The following ZNF831 variants were observed in gnomAD, a reference collection of about 807,000 sequenced individuals.
ZNF831 encodes chromosome 20 open reading frame 174.
A neutral mutation model predicts 95.8 loss-of-function variants in ZNF831; 59 were observed. That is an observed-to-expected ratio of 0.62 (90% CI 0.50 to 0.77). The LOEUF (loss-of-function observed/expected upper bound fraction) is 0.77. ZNF831 is among the 30% of genes least tolerant of loss of function. The pLI, the probability that ZNF831 is intolerant of heterozygous loss-of-function variation, is 0.00. For synonymous variants in ZNF831, 961 were observed against 925.5 expected, an observed-to-expected ratio of 1.04 and a Z score of -0.70; for missense variants, 2,205 against 2,164.0, an observed-to-expected ratio of 1.02 and a Z score of -0.38.
rs1601323108 is a variant in ZNF831, at chr20:59,167,446, C to G, written c.-37+3239C>G. Among the ~76,000 whole-genome samples the G allele has an allele frequency of 1.3e-5, 2 of 151,352 alleles. 1 individual carries two copies. Among genetic ancestry groups the G allele is most frequent in the Non-Finnish European group, 2.9e-5 (2 of 67,858 alleles). On this transcript the variant is annotated intron_variant, in intron 1 of 5. Transcript: ENST00000371030. The stretch of plus-strand genomic sequence containing the variant: ...CACAGAGCAAAAAAAAAAAAATTAA[C>G]TTCGATGAGGTCCATTTTATTATAT...
upstream of ZNF831, among the ~76,000 whole-genome samples, chr20:59,163,510 T>A (rs1213342785): frequency 6.6e-6 from 1 of 152,124 alleles, no homozygotes; most frequent in Non-Finnish European, 1.5e-5. Context: ...ACCTCTGGGG[T>A]TACATGTGGA....
rs2146554174 is a variant in ZNF831 at position 59,191,807 on chromosome 20, C to T, written c.788C>T (p.Thr263Ile). 1 of 1,613,312 alleles carries T rather than the reference C, an allele frequency of 6.2e-7. No individual in the cohort carries two copies. ...CTTGCCAAGAACCTGGATGTGAGGA[C>T]CGAAGCTGCTCCCTGTCCAGGGTCC... ...PLLAKNLDVRTEAAPCPGSAF... is the reference protein window; with the variant it reads ...PLLAKNLDVRIEAAPCPGSAF... Residue 263 changes from threonine to isoleucine, a missense_variant, in exon 2 of 6, where the codon ACC becomes ATC. By Grantham distance (89) the Thr-to-Ile change is moderately conservative. Coordinates refer to ENST00000371030, the MANE Select transcript of ZNF831 (RefSeq NM_178457.3).
intron 4 of ZNF831, among the ~76,000 whole-genome samples, chr20:59,240,459 T>TA (rs1452674588): frequency 6.6e-6 from 1 of 152,202 alleles, no homozygotes; most frequent in Admixed American, 6.5e-5. Context: ...GCTGCTCTTT[T>TA]AAAAACATCT....
intron 4 of ZNF831, among the ~76,000 whole-genome samples, chr20:59,212,048 A>C (rs1985373247): frequency 6.6e-6 from 1 of 152,190 alleles, no homozygotes; most frequent in Non-Finnish European, 1.5e-5. Flanking sequence ...AGCTAGAATC[A>C]GCAAAACATT....
chr20:59,137,327 A>G (rs1483694108), intron 1 of ZNF831, among the ~76,000 whole-genome samples: 1 of 152,106 alleles, frequency 6.6e-6, no homozygotes, highest in East Asian at 1.9e-4. Flanking sequence ...AAGATGAAAA[A>G]TACCTTGCCT....
At chr20:59,224,515 G>A (rs1164834286) in intron 4 of ZNF831, among the ~76,000 whole-genome samples, 2 of 152,182 alleles carry the variant, frequency 1.3e-5, no homozygotes. Context: ...GAATCCGACT[G>A]TTCTTTGCAC....
chr20:59,191,157 G>T lies in ZNF831; in HGVS notation c.138G>T (p.Gln46His), dbSNP rs1466178873. ...TLGPVLLPPE[Q>H]GLAPPTVFLK... ...GCCCTGTCCTTCTGCCGCCAGAGCA[G>T]GGCCTGGCCCCCCCCACTGTGTTCC... Residue 46 changes from glutamine (Q) to histidine (H), a missense_variant, in exon 2 of 6, where the codon CAG (glutamine) becomes CAT (histidine). Coordinates refer to ENST00000371030, the MANE Select transcript of ZNF831 (RefSeq NM_178457.3). The T allele has an allele frequency of 6.2e-7, 1 of 1,602,188 alleles. No homozygotes were observed. The highest frequency in any genetic ancestry group is 8.5e-7 in the Non-Finnish European group (1 of 1,177,906).
rs750171867 is a variant in ZNF831 at position 59,194,501 on chromosome 20, G to GCCACAGCACCCGCAGTCC, written c.3494_3511dup (p.Arg1165_Thr1170dup). 1.9e-5 allele frequency: 31 copies of GCCACAGCACCCGCAGTCC among 1,611,472 alleles called. No individual in the cohort carries two copies. The African/African-American group carries it at 3.5e-4, about 18-fold the overall frequency. ...TCTTCCCACTCAGGGACGTCCCGGA[G>GCCACAGCACCCGCAGTCC]CCACAGCACCCGCAGTCCCCACAGC... On this transcript the variant is annotated inframe_insertion, in exon 2 of 6. Coordinates refer to ENST00000371030, the MANE Select transcript of ZNF831 (RefSeq NM_178457.3).
At chr20:59,233,167 C>A (rs981333853) in intron 4 of ZNF831, among the ~76,000 whole-genome samples, 1 of 152,102 alleles carries the variant, frequency 6.6e-6, no homozygotes, top group Non-Finnish European at 1.5e-5. Flanking sequence ...AGGTTCTTAG[C>A]GGTTGCATTG....
At chr20:59,213,231 C>T (rs554138448) in intron 4 of ZNF831, among the ~76,000 whole-genome samples, 6 of 152,240 alleles carry the variant, frequency 3.9e-5, no homozygotes, top group East Asian at 1.9e-4. Context: ...TACTTGACTA[C>T]GTTTTGTTGA....
At chr20:59,207,795 A>T (rs556295910) in intron 4 of ZNF831, among the ~76,000 whole-genome samples, 44 of 152,350 alleles carry the variant, frequency 2.9e-4, no homozygotes, top group African/African-American at 1.0e-3. Flanking sequence ...TCTGGCCAGC[A>T]GTGCCTGAAT....
chr20:59,233,043 CAT>C (rs1555834552), intron 4 of ZNF831, among the ~76,000 whole-genome samples: 27 of 134,442 alleles, frequency 2.0e-4, no homozygotes, highest in Middle Eastern at 3.9e-3. Flanking sequence ...CACACACACA[CAT>C]AGAGAGAGAG....
chr20:59,144,186 A>G (rs993276659), intron 1 of ZNF831, among the ~76,000 whole-genome samples: 1 of 151,950 alleles, frequency 6.6e-6, no homozygotes, highest in African/African-American at 2.4e-5. Flanking sequence ...ATCTGTTTCC[A>G]TCTTGTCACC....
At position 59,254,779 on chromosome 20, in the gene ZNF831, C is replaced by G. The variant is rs2146774989; in HGVS notation, c.*36C>G. ...GAAACATGGTGTCTGGTCAAAAAGA[C>G]TGTTGACGCTTCACAAGTAAATGTT... On this transcript the variant is annotated 3_prime_UTR_variant, in exon 6 of 6. Transcript: ENST00000371030. The surrounding 1 kb of genome is among the most constrained non-coding windows in gnomAD (Gnocchi z 4.5). 1 of 1,562,500 alleles carries G rather than the reference C, an allele frequency of 6.4e-7. No individual in the cohort carries two copies. Among genetic ancestry groups the G allele is most frequent in the Non-Finnish European group, 8.6e-7 (1 of 1,160,030 alleles).
At chr20:59,165,976 G>A (rs1344262880) in intron 1 of ZNF831, among the ~76,000 whole-genome samples, 1 of 151,976 alleles carries the variant, frequency 6.6e-6, no homozygotes, top group Non-Finnish European at 1.5e-5. Flanking sequence ...GGTCTCTAAC[G>A]CTTGACCTCA....
upstream of ZNF831, among the ~76,000 whole-genome samples, chr20:59,161,770 A>T (rs1980883322): frequency 6.6e-6 from 1 of 152,206 alleles, no homozygotes; most frequent in Non-Finnish European, 1.5e-5. Flanking sequence ...TCCTTTGGGT[A>T]GATACCCAGT....
intron 4 of ZNF831, among the ~76,000 whole-genome samples, chr20:59,250,314 G>A (rs1366227455): frequency 1.3e-5 from 2 of 152,140 alleles, no homozygotes; most frequent in East Asian, 1.9e-4. Context: ...CCAGAATGCC[G>A]GCAGCCTGGC....
In ZNF831 at chr20:59,255,030, G is replaced by A; in HGVS notation, c.*287G>A. On this transcript the variant is annotated 3_prime_UTR_variant, in exon 6 of 6. Transcript: ENST00000371030. Reference sequence around the variant, plus strand: ...AAATGGTCAACGTGCACAGTGACTGGGCCTTGACTCCCAGCCTCGTCTTCT... The same window carrying A: ...AAATGGTCAACGTGCACAGTGACTGAGCCTTGACTCCCAGCCTCGTCTTCT... 3.3e-6 allele frequency: 1 copy of A among 300,326 alleles called. No individual in the cohort carries two copies. The allele number at this position is 300,326 out of a possible 1,614,324, so 18.6% of individuals were successfully genotyped here.
chr20:59,233,843 T>C (rs1264056128), intron 4 of ZNF831, among the ~76,000 whole-genome samples: 1 of 152,192 alleles, frequency 6.6e-6, no homozygotes, highest in African/African-American at 2.4e-5. Context: ...GATCTGACAA[T>C]TGCATGCCTG....
Sources: gnomAD v4.1 joint callset for allele counts (sites outside exome capture counted in the v4.1 genomes callset) on GRCh38, gnomAD v4.1.1 for gene constraint, Gnocchi (gnomAD v3.1) non-coding constraint, MANE v1.5 for transcripts, NCBI Gene and HGNC (gene_info 2026-07-23, HGNC 2026-07-21) for gene names.